SCN11A: variants seen among roughly 807,000 people sequenced by gnomAD.
The protein encoded by SCN11A is sodium channel protein type 11 subunit alpha.
Under a neutral mutation model 162.2 loss-of-function variants are expected in SCN11A, and 122 were observed. That is an observed-to-expected ratio of 0.75 (90% CI 0.65 to 0.87). The LOEUF (loss-of-function observed/expected upper bound fraction) is 0.87, where lower values mean the gene tolerates loss of function less well. Among genes scored for constraint, SCN11A ranks in the 40% least tolerant of loss-of-function variants. The probability of loss-of-function intolerance (pLI) is 0.00; values close to 1 mark genes in which losing one functional copy is unlikely to be tolerated. For missense variants in SCN11A, 2,015 were observed against 2,181.6 expected (o/e 0.92, Z 1.52); for synonymous variants, 758 against 751.5 (o/e 1.01, Z -0.14).
intron 2 of SCN11A, among the ~76,000 whole-genome samples, chr3:38,963,352 GATATATATAT>G (rs377651422): frequency 7.8e-4 from 30 of 38,282 alleles, no homozygotes; most frequent in Middle Eastern, 0.016. Flanking sequence ...CTATTTGATG[GATATATATAT>G]ATATATATAT....
intron 28 of SCN11A, 64 bp from the exon 29 acceptor site, chr3:38,850,815 GAACATAAATAC>G: frequency 7.6e-7 from 1 of 1,323,556 alleles, no homozygotes; most frequent in African/African-American, 1.5e-5. Context: ...ACAATAAAAA[GAACATAAATAC>G]AACAGAATTT....
At chr3:38,979,884 A>AG (rs2029953366) in intron 2 of SCN11A, among the ~76,000 whole-genome samples, 1 of 152,222 alleles carries the variant, frequency 6.6e-6, no homozygotes. Flanking sequence ...GATCACATCA[A>AG]GGCTTCCCCA....
At chr3:38,949,130 A>T (rs1266109140) in intron 5 of SCN11A, among the ~76,000 whole-genome samples, 3 of 152,216 alleles carry the variant, frequency 2.0e-5, no homozygotes, top group Non-Finnish European at 2.9e-5. Context: ...TCAGCATCCC[A>T]TATTTTCTAG....
intron 20 of SCN11A, among the ~76,000 whole-genome samples, chr3:38,885,633 C>G (rs1466084018): frequency 6.6e-6 from 1 of 152,168 alleles, no homozygotes; most frequent in Non-Finnish European, 1.5e-5. Flanking sequence ...TGAGGAATAG[C>G]AATGCATATG....
chr3:38,985,284 C>T (rs187533065), intron 2 of SCN11A, among the ~76,000 whole-genome samples: 9 of 150,096 alleles, frequency 6.0e-5, no homozygotes, highest in South Asian at 2.1e-4. Flanking sequence ...CCCGCCACTA[C>T]GCCCGGCTAA....
chr3:38,903,288 T>C (rs147048483), intron 16 of SCN11A, among the ~76,000 whole-genome samples: 112 of 152,288 alleles, frequency 7.4e-4, no homozygotes, highest in African/African-American at 2.5e-3. Flanking sequence ...CCTTGAAAAG[T>C]CTGCTCCCCT....
chr3:38,896,434 A>G (rs2065598641), intron 18 of SCN11A, among the ~76,000 whole-genome samples: 1 of 152,248 alleles, frequency 6.6e-6, no homozygotes, highest in Admixed American at 6.5e-5. Flanking sequence ...CAGTCATAAA[A>G]AAGCCCAGAG....
At position 38,908,219 on chromosome 3, in the gene SCN11A, G is replaced by C; in HGVS notation, c.1300-97C>G. 8 of 1,022,486 alleles carry C rather than the reference G, an allele frequency of 7.8e-6. No individual in the cohort carries two copies. In the South Asian group the frequency reaches 1.1e-4, roughly 14 times the overall value. The allele number at this position is 1,022,486 out of a possible 1,614,324, so 63.3% of individuals were successfully genotyped here. A position where few individuals can be genotyped will look rare whatever the true frequency, so the allele number is the denominator to read the frequency against. Reference sequence around the variant, plus strand: ...TGAGAGTGGTGAAAATCTCTCTTCTGGTAGCTCTGTATCATTTAAATTGCT... The same window carrying C: ...TGAGAGTGGTGAAAATCTCTCTTCTCGTAGCTCTGTATCATTTAAATTGCT... On this transcript the variant is annotated intron_variant, in intron 13 of 29. Coordinates refer to ENST00000302328, the MANE Select transcript of SCN11A (RefSeq NM_001349253.2).
intron 19 of SCN11A, among the ~76,000 whole-genome samples, chr3:38,886,978 C>T (rs1046699112): frequency 3.3e-5 from 5 of 152,154 alleles, no homozygotes; most frequent in African/African-American, 4.8e-5. Context: ...TTGAGACAAC[C>T]TGCATATGTG....
At chr3:38,869,226 A>C (rs1227662097) in intron 26 of SCN11A, among the ~76,000 whole-genome samples, 2 of 151,880 alleles carry the variant, frequency 1.3e-5, no homozygotes, top group Non-Finnish European at 2.9e-5. Context: ...CAAGCCACAC[A>C]CCTTGTCTAC....
intron 2 of SCN11A, among the ~76,000 whole-genome samples, chr3:39,030,389 G>C (rs2125610954): frequency 6.6e-6 from 1 of 152,268 alleles, no homozygotes; most frequent in South Asian, 2.1e-4. Context: ...AAAGACCAGT[G>C]GCTCGCCCAC....
At chr3:38,990,505 T>C (rs1016255457) in intron 2 of SCN11A, among the ~76,000 whole-genome samples, 1 of 152,146 alleles carries the variant, frequency 6.6e-6, no homozygotes, top group Non-Finnish European at 1.5e-5. Context: ...TTAGATGGCA[T>C]AATTAGCATT....
In SCN11A at chr3:38,883,435, G is replaced by A. The variant is rs199928609; in HGVS notation, c.3065-48C>T. 922 of 1,545,444 alleles carry A rather than the reference G, an allele frequency of 6.0e-4. 6 individuals carry two copies. Among genetic ancestry groups the A allele is most frequent in the Non-Finnish European group, 1.1e-4 (127 of 1,135,864 alleles). On this transcript the variant is annotated intron_variant, in intron 21 of 29. Coordinates refer to ENST00000302328, the MANE Select transcript of SCN11A (RefSeq NM_001349253.2). ...CTATCATTAGTGTCTGTAATAAACTGCATTAAAATGCAACTCTTCACCCCT... is the reference window on the plus strand; with the variant it reads ...CTATCATTAGTGTCTGTAATAAACTACATTAAAATGCAACTCTTCACCCCT...
chr3:38,852,035 T>TG (rs1267517322), intron 28 of SCN11A, among the ~76,000 whole-genome samples: 10 of 152,144 alleles, frequency 6.6e-5, no homozygotes, highest in Non-Finnish European at 1.5e-4. Context: ...GAGGTGCCAG[T>TG]GGGGGGTCCA....
intron 23 of SCN11A, among the ~76,000 whole-genome samples, chr3:38,878,966 A>G (rs1209337641): frequency 6.6e-6 from 1 of 152,162 alleles, no homozygotes; most frequent in Non-Finnish European, 1.5e-5. Flanking sequence ...CCCTGGAGTG[A>G]GACTTACTAG....
At chr3:38,969,697 C>G (rs566468637) in intron 2 of SCN11A, among the ~76,000 whole-genome samples, 1 of 152,252 alleles carries the variant, frequency 6.6e-6, no homozygotes, top group South Asian at 2.1e-4. Context: ...ATTTCTGGAA[C>G]AAATTTAAAA....
At chr3:38,951,234 G>C (rs1025028586) in intron 4 of SCN11A, among the ~76,000 whole-genome samples, 2 of 152,280 alleles carry the variant, frequency 1.3e-5, no homozygotes, top group Non-Finnish European at 2.9e-5. Flanking sequence ...CTTGGCGGGC[G>C]CCGCACTCGG....
chr3:38,891,082 T>A (rs1055711675), intron 19 of SCN11A, among the ~76,000 whole-genome samples: 2 of 151,282 alleles, frequency 1.3e-5, no homozygotes, highest in Non-Finnish European at 3.0e-5. Flanking sequence ...GGTCAAGATG[T>A]CAGAGCTAAT....
rs187256829 is a variant in SCN11A, at chr3:38,852,863, C to A, written c.4057-2112G>T. On this transcript the variant is annotated intron_variant, in intron 28 of 29. Coordinates refer to ENST00000302328, the MANE Select transcript of SCN11A (RefSeq NM_001349253.2). Reference sequence around the variant, plus strand: ...GATATGATGTTGGATTTATCTCATGCGACACTAATCTGGAATATAAAAGTC... The same window carrying A: ...GATATGATGTTGGATTTATCTCATGAGACACTAATCTGGAATATAAAAGTC... 2.1e-4 allele frequency among the ~76,000 whole-genome samples: 32 copies of A among 152,224 alleles called. No homozygotes were observed. In the East Asian group the frequency reaches 3.7e-3, roughly 17 times the overall value.
Sources: gnomAD v4.1 joint callset for allele counts (sites outside exome capture counted in the v4.1 genomes callset) on GRCh38, gnomAD v4.1.1 for gene constraint, MANE v1.5 for transcripts, NCBI Gene and HGNC (gene_info 2026-07-23, HGNC 2026-07-21) for gene names.